Variants in NELL1 observed in about 807,000 individuals in gnomAD.
NELL1 encodes the protein protein kinase C-binding protein NELL1.
NELL1 carries 76 observed loss-of-function variants against 107.4 expected under a neutral mutation model. The ratio of observed to expected loss-of-function variants is 0.71; its 90% CI spans 0.59 to 0.86. The LOEUF (loss-of-function observed/expected upper bound fraction) is 0.86. NELL1 is among the 40% of genes least tolerant of loss of function. NELL1 has a pLI of 0.00. For synonymous variants in NELL1, 353 were observed against 341.2 expected (o/e 1.03, Z -0.38); for missense variants, 1,024 against 1,005.5 (o/e 1.02, Z -0.25).
chr11:21,379,446 A>G (rs1036011804), intron 15 of NELL1, among the ~76,000 whole-genome samples: 1 of 152,102 alleles, frequency 6.6e-6, no homozygotes, highest in Non-Finnish European at 1.5e-5. Flanking sequence ...TTTGAAATAT[A>G]GTAAGTATCT....
At position 20,720,422 on chromosome 11, in the gene NELL1, T is replaced by C. The variant is rs188551868; in HGVS notation, c.184+42362T>C. Among the ~76,000 whole-genome samples, 7 of 152,220 alleles carry C rather than the reference T, an allele frequency of 4.6e-5. No individual in the cohort carries two copies. The East Asian group carries it at 1.4e-3, about 29-fold the overall frequency. ...CAGGGTTTCACCATGCTGGCCAGGCTGGTCTTGAACTCCTGACCTTGTGAT... is the reference window on the plus strand; with the variant it reads ...CAGGGTTTCACCATGCTGGCCAGGCCGGTCTTGAACTCCTGACCTTGTGAT... On this transcript the variant is annotated intron_variant, in intron 2 of 19. Transcript: ENST00000357134.
At chr11:21,381,521 A>T (rs1851606102) in intron 15 of NELL1, among the ~76,000 whole-genome samples, 1 of 151,984 alleles carries the variant, frequency 6.6e-6, no homozygotes, top group Non-Finnish European at 1.5e-5. Flanking sequence ...AGCCTGGAAC[A>T]CAGTGTCTAG....
intron 7 of NELL1, among the ~76,000 whole-genome samples, chr11:20,919,723 G>T (rs746115434): frequency 7.2e-5 from 11 of 152,078 alleles, no homozygotes; most frequent in Non-Finnish European, 1.5e-4. Flanking sequence ...TAATCGGAAG[G>T]GGCAAAATAG....
At chr11:21,479,123 A>T (rs1488761339) in intron 15 of NELL1, among the ~76,000 whole-genome samples, 2 of 152,206 alleles carry the variant, frequency 1.3e-5, no homozygotes, top group African/African-American at 4.8e-5. Flanking sequence ...TATGAAGAAC[A>T]GTTTGGAAGC....
chr11:21,020,139 T>C (rs1415134015), intron 12 of NELL1, among the ~76,000 whole-genome samples: 1 of 152,118 alleles, frequency 6.6e-6, no homozygotes, highest in Non-Finnish European at 1.5e-5. Flanking sequence ...CAAATAAAAA[T>C]ACTATATGCC....
At chr11:21,507,628 A>G (rs1436268215) in intron 15 of NELL1, among the ~76,000 whole-genome samples, 2 of 152,174 alleles carry the variant, frequency 1.3e-5, no homozygotes, top group Non-Finnish European at 2.9e-5. Flanking sequence ...TTAATGAGCA[A>G]AGCATAGAAT....
chr11:21,130,633 G>A (rs574261020), intron 13 of NELL1, among the ~76,000 whole-genome samples: 97 of 152,224 alleles, frequency 6.4e-4, no homozygotes, highest in African/African-American at 2.3e-3. Context: ...TACATCTATG[G>A]TATTACATTT....
At chr11:21,244,268 CAT>C (rs1858435747) in intron 14 of NELL1, among the ~76,000 whole-genome samples, 1 of 152,108 alleles carries the variant, frequency 6.6e-6, no homozygotes, top group Admixed American at 6.6e-5. Context: ...AGAGAGCAGA[CAT>C]AATGATTTTC....
chr11:21,351,934 T>A (rs1341476221), intron 14 of NELL1, among the ~76,000 whole-genome samples: 1 of 152,160 alleles, frequency 6.6e-6, no homozygotes, highest in Non-Finnish European at 1.5e-5. Flanking sequence ...AACATCCTAA[T>A]GACCGTAGGA....
chr11:21,348,033 T>A (rs1304664165), intron 14 of NELL1, among the ~76,000 whole-genome samples: 1 of 151,660 alleles, frequency 6.6e-6, no homozygotes, highest in Non-Finnish European at 1.5e-5. Flanking sequence ...GGACAAGGAG[T>A]GTTGTGACCT....
At chr11:20,788,315 C>CGAAGCA (rs1440392815) in intron 3 of NELL1, among the ~76,000 whole-genome samples, 8 of 152,120 alleles carry the variant, frequency 5.3e-5, no homozygotes, top group Non-Finnish European at 8.8e-5. Flanking sequence ...TTACATTCCC[C>CGAAGCA]GAAGCAGCGT....
chr11:21,305,398 A>G (rs956942153), intron 14 of NELL1, among the ~76,000 whole-genome samples: 4 of 152,052 alleles, frequency 2.6e-5, no homozygotes, highest in African/African-American at 9.7e-5. Flanking sequence ...AGAAGCACAT[A>G]GATTCTAAGG....
Position 20,906,847 on chromosome 11 carries a change from C to T in NELL1, c.604-11335C>T, listed in dbSNP as rs143384218. ...GAGCAACATGTGGAAACTTTCTTAA[C>T]GTAATAAAGGGCATTAATGAAAAAC... On this transcript the variant is annotated intron_variant, in intron 5 of 19. Coordinates refer to ENST00000357134, the MANE Select transcript of NELL1 (RefSeq NM_006157.5). 4.4e-3 allele frequency among the ~76,000 whole-genome samples: 676 copies of T among 151,994 alleles called. 3 individuals carry two copies. Among genetic ancestry groups the T allele is most frequent in the African/African-American group, 0.015 (639 of 41,500 alleles).
At chr11:21,340,596 G>GGTGT (rs1850540831) in intron 14 of NELL1, among the ~76,000 whole-genome samples, 1 of 149,508 alleles carries the variant, frequency 6.7e-6, no homozygotes, top group Non-Finnish European at 1.5e-5. Context: ...GGGTAGGGTG[G>GGTGT]GCACCTAACC....
rs201562597 is a variant in NELL1, at chr11:20,947,406, C to A, written c.1142C>A (p.Pro381His). The A allele has an allele frequency of 1.9e-6, 3 of 1,614,008 alleles. No individual in the cohort carries two copies. Among genetic ancestry groups the A allele is most frequent in the Admixed American group, 1.7e-5 (1 of 60,004 alleles). Reference sequence around the variant, plus strand: ...TGCTCAGAAAAGGATCACATTCTTCCTGAGAATCAGTGCTGCCGTGTCTGT... The same window carrying A: ...TGCTCAGAAAAGGATCACATTCTTCATGAGAATCAGTGCTGCCGTGTCTGT... ...LNCSEKDHIL[P>H]ENQCCRVCRG... The change falls in exon 11 of 20, where the codon CCT becomes CAT. Residue 381 changes from proline (P) to histidine (H), a missense_variant. By Grantham distance (77) the Pro-to-His change is moderately conservative. Coordinates refer to ENST00000357134, the MANE Select transcript of NELL1 (RefSeq NM_006157.5).
intron 4 of NELL1, among the ~76,000 whole-genome samples, chr11:20,878,416 T>G (rs1849348097): frequency 6.6e-6 from 1 of 151,092 alleles, no homozygotes. Flanking sequence ...AGTTGTCGAC[T>G]GCTTTTCCTG....
At chr11:21,093,997 T>G (rs372866873) in intron 12 of NELL1, among the ~76,000 whole-genome samples, 84 of 152,332 alleles carry the variant, frequency 5.5e-4, no homozygotes, top group African/African-American at 1.9e-3. Context: ...CATTTTAGCA[T>G]TAACTCAAAA....
At chr11:21,306,688 C>T (rs1565158892) in intron 14 of NELL1, among the ~76,000 whole-genome samples, 1 of 152,038 alleles carries the variant, frequency 6.6e-6, no homozygotes, top group Non-Finnish European at 1.5e-5. Context: ...CCTCATTTAT[C>T]ATAGGTTCTA....
chr11:20,842,563 A>T (rs1848640258), intron 3 of NELL1, among the ~76,000 whole-genome samples: 1 of 151,976 alleles, frequency 6.6e-6, no homozygotes, highest in Non-Finnish European at 1.5e-5. Context: ...TTGTCCTCTG[A>T]CTCTGATGTG....
Sources: gnomAD v4.1 joint callset for allele counts (sites outside exome capture counted in the v4.1 genomes callset) on GRCh38, gnomAD v4.1.1 for gene constraint, MANE v1.5 for transcripts, NCBI Gene and HGNC (gene_info 2026-07-23, HGNC 2026-07-21) for gene names.